Variants in SNTB1 observed in about 807,000 individuals in gnomAD.
The protein encoded by SNTB1 is syntrophin beta 1.
Under a neutral mutation model 48.9 loss-of-function variants are expected in SNTB1, and 36 were observed. The ratio of observed to expected loss-of-function variants is 0.74; its 90% CI spans 0.56 to 0.97. SNTB1 has a LOEUF of 0.97. SNTB1 is among the 50% of genes least tolerant of loss of function. The probability of loss-of-function intolerance (pLI) is 0.00; values close to 1 mark genes in which losing one functional copy is unlikely to be tolerated. For missense variants in SNTB1, 786 were observed against 703.4 expected (o/e 1.12, Z -1.33); for synonymous variants, 299 against 294.6 (o/e 1.01, Z -0.15).
At position 120,690,379 on chromosome 8, in the gene SNTB1, A is replaced by G. The variant is rs189891611; in HGVS notation, c.788+3313T>C. ...CCCTTACTTGGATGGAAAGTGGTAT[A>G]TGTTGAAATATCTAATATGAATATG... On this transcript the variant is annotated intron_variant, in intron 2 of 6. Transcript: ENST00000517992. Among the ~76,000 whole-genome samples, 18 of 152,250 alleles carry G rather than the reference A, an allele frequency of 1.2e-4. No homozygotes were observed. In the East Asian group the frequency reaches 2.9e-3, roughly 25 times the overall value.
chr8:120,604,618 T>C (rs1219066536), intron 3 of SNTB1, among the ~76,000 whole-genome samples: 1 of 151,992 alleles, frequency 6.6e-6, no homozygotes, highest in Non-Finnish European at 1.5e-5. Context: ...GCCCAGCTAA[T>C]TTTTGTATTT....
chr8:120,638,408 CTTTT>C (rs1318518760), intron 2 of SNTB1, among the ~76,000 whole-genome samples: 1 of 150,082 alleles, frequency 6.7e-6, no homozygotes, highest in East Asian at 1.9e-4. Context: ...TTTTTTTTTT[CTTTT>C]TTTATTATTA....
intron 1 of SNTB1, among the ~76,000 whole-genome samples, chr8:120,743,024 A>G (rs1230417749): frequency 6.6e-6 from 1 of 152,214 alleles, no homozygotes; most frequent in African/African-American, 2.4e-5. Context: ...AGATATTTAG[A>G]AAAAAGTAAA....
chr8:120,620,761 G>T (rs1816781068), intron 3 of SNTB1, among the ~76,000 whole-genome samples: 1 of 147,546 alleles, frequency 6.8e-6, no homozygotes, highest in Non-Finnish European at 1.5e-5. Context: ...AAAAGTGAAT[G>T]TCTGCCTGAA....
intron 2 of SNTB1, among the ~76,000 whole-genome samples, chr8:120,686,352 C>T (rs1345007479): frequency 6.6e-6 from 1 of 152,170 alleles, no homozygotes; most frequent in Non-Finnish European, 1.5e-5. Context: ...ATTCTGGAGA[C>T]TGGACAGTCC....
At chr8:120,811,228 G>T in intron 1 of SNTB1, 45 bp downstream of exon 1, 1 of 1,544,056 alleles carries the variant, frequency 6.5e-7, no homozygotes, top group Non-Finnish European at 8.7e-7. Context: ...AAGCCGAGCA[G>T]GTGTGTGCGC....
At chr8:120,659,712 T>C (rs1817559432) in intron 2 of SNTB1, among the ~76,000 whole-genome samples, 1 of 152,230 alleles carries the variant, frequency 6.6e-6, no homozygotes, top group Non-Finnish European at 1.5e-5. Context: ...TTAAGAAATA[T>C]ATCTGCCTGT....
chr8:120,644,173 T>A (rs907418672), intron 2 of SNTB1, among the ~76,000 whole-genome samples: 3 of 151,526 alleles, frequency 2.0e-5, no homozygotes, highest in Admixed American at 6.6e-5. Context: ...TTTTTTTTTT[T>A]AATTATACTT....
chr8:120,574,325 T>C (rs547017057), intron 4 of SNTB1, among the ~76,000 whole-genome samples: 5 of 152,336 alleles, frequency 3.3e-5, no homozygotes, highest in African/African-American at 1.2e-4. Context: ...TGGTATTATA[T>C]ACCTAAAACG....
intron 1 of SNTB1, among the ~76,000 whole-genome samples, chr8:120,783,601 TC>T (rs1274075528): frequency 6.6e-6 from 1 of 152,182 alleles, no homozygotes; most frequent in Non-Finnish European, 1.5e-5. Flanking sequence ...GTCCTGGCTT[TC>T]CCCTGAAAAT....
chr8:120,647,597 A>G (rs1221042972), intron 2 of SNTB1, among the ~76,000 whole-genome samples: 3 of 146,894 alleles, frequency 2.0e-5, no homozygotes, highest in African/African-American at 7.7e-5. Context: ...TATGTGGTCA[A>G]TTTTGGAATA....
chr8:120,645,355 G>C (rs1236331923), intron 2 of SNTB1, among the ~76,000 whole-genome samples: 1 of 148,610 alleles, frequency 6.7e-6, no homozygotes, highest in Non-Finnish European at 1.5e-5. Context: ...GTGTAAGGAA[G>C]GGATCCAGTT....
At chr8:120,553,975 G>A (rs1214365532) in intron 4 of SNTB1, among the ~76,000 whole-genome samples, 2 of 152,132 alleles carry the variant, frequency 1.3e-5, no homozygotes, top group Non-Finnish European at 2.9e-5. Context: ...TCCAGCCTGG[G>A]GAACAGAGCG....
intron 4 of SNTB1, among the ~76,000 whole-genome samples, chr8:120,553,651 T>C (rs897971235): frequency 1.3e-5 from 2 of 152,222 alleles, no homozygotes; most frequent in African/African-American, 4.8e-5. Flanking sequence ...ACCATTAAAA[T>C]GTAGAGCAAT....
At chr8:120,682,017 A>T (rs1205017043) in intron 2 of SNTB1, among the ~76,000 whole-genome samples, 6 of 144,906 alleles carry the variant, frequency 4.1e-5, no homozygotes, top group Admixed American at 3.5e-4. Context: ...AAAATTCTAT[A>T]AAAAAATTCA....
chr8:120,748,081 A>G (rs1026540293), intron 1 of SNTB1, among the ~76,000 whole-genome samples: 4 of 152,194 alleles, frequency 2.6e-5, no homozygotes, highest in African/African-American at 9.7e-5. Context: ...CTGCTAAAGA[A>G]TAACTGTTTG....
chr8:120,633,333 C>T (rs1333917599), intron 2 of SNTB1, among the ~76,000 whole-genome samples: 1 of 152,162 alleles, frequency 6.6e-6, no homozygotes, highest in Non-Finnish European at 1.5e-5. Context: ...AGGCCCACCA[C>T]GCTGGCTCAT....
chr8:120,725,532 A>G (rs903517593), intron 1 of SNTB1, among the ~76,000 whole-genome samples: 5 of 152,198 alleles, frequency 3.3e-5, no homozygotes, highest in Admixed American at 6.5e-5. Context: ...GTTGTGTACA[A>G]AGCTCTAATC....
At chr8:120,595,803 G>A (rs1816313590) in intron 3 of SNTB1, among the ~76,000 whole-genome samples, 1 of 152,042 alleles carries the variant, frequency 6.6e-6, no homozygotes, top group East Asian at 1.9e-4. Context: ...GGCTGGTCTC[G>A]AACTCCCGAC....
Sources: gnomAD v4.1 joint callset for allele counts (sites outside exome capture counted in the v4.1 genomes callset) on GRCh38, gnomAD v4.1.1 for gene constraint, MANE v1.5 for transcripts, NCBI Gene and HGNC (gene_info 2026-07-23, HGNC 2026-07-21) for gene names.